PUDP: variants seen among roughly 807,000 people sequenced by gnomAD.
PUDP encodes the protein pseudouridine 5'-phosphatase.
In PUDP, 8 loss-of-function variants were observed where a neutral mutation model predicts 9.4. The observed-to-expected ratio is 0.85, with a 90% CI of 0.50 to 1.53. PUDP has a LOEUF of 1.53. Ranked by LOEUF, PUDP falls within the 40% of genes most tolerant of loss-of-function variation. The pLI is 0.00. For synonymous variants in PUDP, 99 were observed against 80.7 expected (o/e 1.23, Z -1.22); for missense variants, 188 against 189.7 (o/e 0.99, Z 0.05).
chrX:6,955,805 C>T (rs1434848696), intron 3 of PUDP, among the ~76,000 whole-genome samples: 1 of 111,213 alleles, frequency 9.0e-6, no homozygotes, highest in African/African-American at 3.3e-5. Context: ...ATAATTTAAA[C>T]TCCATTCATT....
intron 3 of PUDP, among the ~76,000 whole-genome samples, chrX:6,896,540 G>A (rs533649511): frequency 1.8e-5 from 2 of 112,122 alleles, no homozygotes; most frequent in East Asian, 5.6e-4. Flanking sequence ...TCTATTTCAA[G>A]GACCAAGGGA....
At chrX:6,755,184 C>T (rs1216562748) in intron 3 of PUDP, among the ~76,000 whole-genome samples, 2 of 111,230 alleles carry the variant, frequency 1.8e-5, no homozygotes, top group Admixed American at 9.6e-5. Flanking sequence ...TTAGCTGTCT[C>T]TATACAGAAA....
rs202027557 is a variant in PUDP at position 7,105,175 on chromosome X, C to CTT, written c.280+443_280+444dup. ...GGCTAAAAATGAATTCGACTTTTTACTTTTTTTTTTTTTTAATTAAGCGTC... is the reference window on the plus strand; with the variant it reads ...GGCTAAAAATGAATTCGACTTTTTACTTTTTTTTTTTTTTTTAATTAAGCGTC... On this transcript the variant is annotated intron_variant, in intron 2 of 3. Coordinates refer to ENST00000381077, the MANE Select transcript of PUDP (RefSeq NM_012080.5). Among the ~76,000 whole-genome samples the CTT allele has an allele frequency of 8.2e-5, 8 of 98,108 alleles. No individual in the cohort carries two copies. The South Asian group carries it at 3.1e-3, about 39-fold the overall frequency. 85.2% of individuals were successfully genotyped at this position (98,108 alleles called of 115,157 possible). A position where few individuals can be genotyped will look rare whatever the true frequency, so the allele number is the denominator to read the frequency against.
At chrX:6,985,831 T>A (rs967859171) in intron 1 of PUDP, among the ~76,000 whole-genome samples, 5 of 111,406 alleles carry the variant, frequency 4.5e-5, no homozygotes, top group African/African-American at 1.6e-4. Context: ...TTGAATAGGA[T>A]CTGGGTAAAA....
At chrX:6,796,348 C>T (rs1268828238) in intron 3 of PUDP, among the ~76,000 whole-genome samples, 1 of 111,847 alleles carries the variant, frequency 8.9e-6, no homozygotes, top group Non-Finnish European at 1.9e-5. Context: ...AAGTGTTTGT[C>T]GGCAAGCCCC....
chrX:6,887,097 A>G (rs779405580), intron 3 of PUDP, among the ~76,000 whole-genome samples: 27 of 99,253 alleles, frequency 2.7e-4, no homozygotes, highest in African/African-American at 8.8e-4. Context: ...TAAATTATAT[A>G]TAATATATAA....
chrX:6,950,842 A>G (rs1928544714), intron 3 of PUDP, among the ~76,000 whole-genome samples: 1 of 112,077 alleles, frequency 8.9e-6, no homozygotes, highest in African/African-American at 3.2e-5. Flanking sequence ...CTGTGGGTGG[A>G]CTTCGTCCAA....
At chrX:7,060,727 G>C (rs1394829743) in intron 3 of PUDP, among the ~76,000 whole-genome samples, 1 of 112,666 alleles carries the variant, frequency 8.9e-6, no homozygotes, top group East Asian at 2.8e-4. Flanking sequence ...TTGTTTTCTT[G>C]AACTATTCTG....
At chrX:7,004,455 A>T (rs1198711724) in intron 1 of PUDP, among the ~76,000 whole-genome samples, 1 of 111,761 alleles carries the variant, frequency 8.9e-6, no homozygotes, top group Non-Finnish European at 1.9e-5. Context: ...CTTCTTAACA[A>T]TAACGTGGCT....
chrX:7,076,583 G>T (rs1232385261), intron 3 of PUDP, among the ~76,000 whole-genome samples: 6 of 111,535 alleles, frequency 5.4e-5, no homozygotes, highest in Non-Finnish European at 1.1e-4. Flanking sequence ...ACCTGAGGAG[G>T]AGCCTTATTT....
intron 1 of PUDP, among the ~76,000 whole-genome samples, chrX:6,707,597 A>C (rs996673023): frequency 2.7e-5 from 3 of 111,320 alleles, no homozygotes; most frequent in Non-Finnish European, 5.7e-5. Context: ...TGTGCAGTTC[A>C]CAACAGGGTT....
intron 3 of PUDP, among the ~76,000 whole-genome samples, chrX:6,834,558 T>C (rs1181368958): frequency 8.9e-6 from 1 of 111,967 alleles, no homozygotes; most frequent in Admixed American, 9.5e-5. Flanking sequence ...CTGTGAAATA[T>C]GTCACCTTAC....
At chrX:6,720,791 C>T (rs1410668304) in intron 1 of PUDP, among the ~76,000 whole-genome samples, 2 of 110,851 alleles carry the variant, frequency 1.8e-5, no homozygotes, top group Non-Finnish European at 3.8e-5. Flanking sequence ...AAGTATATTC[C>T]ATTTTTACTT....
intron 3 of PUDP, among the ~76,000 whole-genome samples, chrX:7,066,874 T>C (rs1403252494): frequency 8.9e-6 from 1 of 111,856 alleles, no homozygotes; most frequent in African/African-American, 3.3e-5. Context: ...CACACACACA[T>C]AAACACACAC....
At chrX:6,910,665 G>C (rs1445895229) in intron 3 of PUDP, among the ~76,000 whole-genome samples, 1 of 112,161 alleles carries the variant, frequency 8.9e-6, no homozygotes, top group Non-Finnish European at 1.9e-5. Flanking sequence ...CTAAAAAAAG[G>C]AAGTGTTTCT....
chrX:6,816,619 ATAC>A (rs59977752), intron 3 of PUDP, among the ~76,000 whole-genome samples: 119 of 101,220 alleles, frequency 1.2e-3, no homozygotes, highest in African/African-American at 4.1e-3. Flanking sequence ...ATATGTATGT[ATAC>A]TATACATGTA....
chrX:6,889,505 T>C (rs1927481462), intron 3 of PUDP, among the ~76,000 whole-genome samples: 1 of 111,696 alleles, frequency 9.0e-6, no homozygotes, highest in Non-Finnish European at 1.9e-5. Context: ...TTTGATAGGA[T>C]TGATCATTAT....
rs371316260 is a variant in PUDP at position 6,859,888 on chromosome X, T to C, written c.*247+117245A>G. Among the ~76,000 whole-genome samples the C allele has an allele frequency of 2.5e-4, 28 of 112,121 alleles. 2 individuals are homozygous for C. The highest frequency in any genetic ancestry group is 2.2e-3 in the Admixed American group (23 of 10,602). On this transcript the variant is annotated intron_variant and NMD_transcript_variant, in intron 3 of 3. Coordinates refer to the PUDP transcript ENST00000655425. The stretch of plus-strand genomic sequence containing the variant: ...CTCCAAGGGACACTGACATGAATGA[T>C]AACTCTGTTTCTCCTTTATGGGTTG...
chrX:6,999,924 G>T (rs1929302551), intron 1 of PUDP, among the ~76,000 whole-genome samples: 2 of 111,005 alleles, frequency 1.8e-5, no homozygotes, highest in African/African-American at 3.3e-5. Context: ...CATTAGGGCA[G>T]TACCTAGTGG....
Sources: allele counts gnomAD v4.1 joint callset (sites outside exome capture counted in the v4.1 genomes callset), GRCh38; gene constraint gnomAD v4.1.1; transcripts MANE v1.5; gene names NCBI Gene and HGNC (gene_info 2026-07-23, HGNC 2026-07-21).